The following RALGAPB variants were observed in gnomAD, a reference collection of about 807,000 sequenced individuals.
The protein encoded by RALGAPB is ral GTPase-activating protein subunit beta.
RALGAPB carries 25 observed loss-of-function variants against 161.1 expected under a neutral mutation model. The ratio of observed to expected loss-of-function variants is 0.16; its 90% CI spans 0.11 to 0.22. RALGAPB has a LOEUF of 0.22. Among genes scored for constraint, RALGAPB ranks in the 10% least tolerant of loss-of-function variants. The pLI is 1.00. For synonymous variants in RALGAPB, 629 were observed against 626.1 expected (o/e 1.00, Z -0.07); for missense variants, 1,391 against 1,815.2 (o/e 0.77, Z 4.25).
intron 13 of RALGAPB, among the ~76,000 whole-genome samples, chr20:38,527,089 C>T (rs898003959): frequency 2.6e-5 from 4 of 152,164 alleles, no homozygotes; most frequent in Non-Finnish European, 5.9e-5. Context: ...TAGAACTCCC[C>T]GCTTATGGAG....
rs1386902172 is a variant in RALGAPB at position 38,546,176 on chromosome 20, T to C, written c.2715-67T>C. The C allele has an allele frequency of 2.0e-5, 32 of 1,603,964 alleles. No homozygotes were observed. In the East Asian group the frequency reaches 6.0e-4, roughly 30 times the overall value. On this transcript the variant is annotated intron_variant, in intron 18 of 29. Transcript: ENST00000262879. ...ATTCAGAAGAGTGGAAGGGGACACA[T>C]TGATGCACAAGGTAAACTGAAGATT...
At chr20:38,553,372 G>A (rs2087445616) in intron 21 of RALGAPB, among the ~76,000 whole-genome samples, 1 of 152,144 alleles carries the variant, frequency 6.6e-6, no homozygotes, top group Non-Finnish European at 1.5e-5. Flanking sequence ...AGCACGTCAG[G>A]GTGAAGATGG....
intron 1 of RALGAPB, among the ~76,000 whole-genome samples, chr20:38,485,152 T>G (rs1235556148): frequency 1.3e-5 from 2 of 152,222 alleles, no homozygotes. Context: ...ATGAAGTTAA[T>G]TTTTAGGCTC....
intron 9 of RALGAPB, among the ~76,000 whole-genome samples, chr20:38,518,369 G>A (rs539125883): frequency 8.6e-4 from 131 of 152,238 alleles, no homozygotes; most frequent in African/African-American, 2.9e-3. Flanking sequence ...TACAAGAAGT[G>A]TTTTCGATTT....
At chr20:38,529,736 G>C (rs1338908279) in intron 13 of RALGAPB, among the ~76,000 whole-genome samples, 1 of 151,792 alleles carries the variant, frequency 6.6e-6, no homozygotes, top group Non-Finnish European at 1.5e-5. Flanking sequence ...CCAGCTACTC[G>C]GAGGCCGAGG....
intron 21 of RALGAPB, 50 bp from the exon 22 acceptor site, chr20:38,553,817 T>G: frequency 4.7e-6 from 4 of 859,136 alleles, no homozygotes; most frequent in Non-Finnish European, 7.6e-6. Context: ...AAGATTGGCC[T>G]TACTAGTTTG....
intron 1 of RALGAPB, among the ~76,000 whole-genome samples, chr20:38,482,869 G>T (rs1234843296): frequency 6.6e-6 from 1 of 152,096 alleles, no homozygotes; most frequent in Non-Finnish European, 1.5e-5. Flanking sequence ...GAAACACAAT[G>T]TGTAGGCTCC....
Position 38,558,404 on chromosome 20 carries a change from A to G in RALGAPB, c.3482A>G (p.Asp1161Gly). 1 of 1,605,734 alleles carries G rather than the reference A, an allele frequency of 6.2e-7. No homozygotes were observed. The stretch of plus-strand genomic sequence containing the variant: ...GATCTCTTGCCATGTCGTCCTTTTG[A>G]CACAGTTTTTATTTTCTATATGAAG... ...YLDLLPCRPF[D>G]TVFIFYMKPG... is the part of the protein sequence containing the mutation. Residue 1161 changes from aspartate to glycine, a missense_variant, in exon 23 of 30, where the codon GAC becomes GGC. Physicochemically the swap from Asp to Gly is moderately conservative, Grantham distance 94. This residue lies in a region of RALGAPB where 436 missense variants were observed against 527.0 expected (regional missense o/e 0.83). Transcript: ENST00000262879.
chr20:38,525,528 T>C lies in RALGAPB; in HGVS notation c.1902+10T>C. On this transcript the variant is annotated intron_variant, in intron 12 of 29. Transcript: ENST00000262879. ...CACAGTCAAATCTGAGGTAATGTTTTGTTAAAGTTTTTTTATATCCTATAT... is the reference window on the plus strand; with the variant it reads ...CACAGTCAAATCTGAGGTAATGTTTCGTTAAAGTTTTTTTATATCCTATAT... 1 of 1,562,404 alleles carries C rather than the reference T, an allele frequency of 6.4e-7. No homozygotes were observed.
At chr20:38,500,021 G>T (rs2085532130) in intron 5 of RALGAPB, 1 of 153,082 alleles carries the variant, frequency 6.5e-6, no homozygotes, top group Non-Finnish European at 1.5e-5. Flanking sequence ...TTACAGGAAT[G>T]GGACCATATT....
intron 5 of RALGAPB, among the ~76,000 whole-genome samples, chr20:38,502,223 T>A (rs1239907130): frequency 6.6e-6 from 1 of 152,228 alleles, no homozygotes; most frequent in African/African-American, 2.4e-5. Flanking sequence ...CATGTGACAC[T>A]AATCATCTCT....
At chr20:38,482,426 CTT>C (rs386393725) in intron 1 of RALGAPB, among the ~76,000 whole-genome samples, 17 of 121,344 alleles carry the variant, frequency 1.4e-4, no homozygotes, top group African/African-American at 4.3e-4. Context: ...GTATGTTTAT[CTT>C]TTTTTTTTTT....
intron 4 of RALGAPB, among the ~76,000 whole-genome samples, chr20:38,498,750 G>C (rs1249555637): frequency 1.3e-5 from 2 of 152,180 alleles, no homozygotes; most frequent in Non-Finnish European, 2.9e-5. Context: ...TTTTCCACCT[G>C]GTTCCAGGGC....
chr20:38,569,865 CTG>C (rs760266522), intron 26 of RALGAPB, 21 bp from the exon 27 acceptor site: 1 of 1,584,064 alleles, frequency 6.3e-7, no homozygotes, highest in African/African-American at 1.3e-5. Flanking sequence ...TTCCCGCTCT[CTG>C]TCTTCTTCTT....
chr20:38,497,284 G>GTC, intron 3 of RALGAPB, 69 bp from the exon 4 acceptor site: 1 of 1,453,370 alleles, frequency 6.9e-7, no homozygotes. Flanking sequence ...ACATCCATAA[G>GTC]TCACCTGTCC....
chr20:38,548,379 T>A lies in RALGAPB; in HGVS notation c.2903-310T>A, dbSNP rs1176782243. The stretch of plus-strand genomic sequence containing the variant: ...GTACCATTGGAGGTATGTGAGATGA[T>A]CTTAGTTGATACATTAGTGAACATT... On this transcript the variant is annotated intron_variant, in intron 19 of 29. Coordinates refer to ENST00000262879, the MANE Select transcript of RALGAPB (RefSeq NM_020336.4). 2.6e-5 allele frequency among the ~76,000 whole-genome samples: 4 copies of A among 152,240 alleles called. No individual in the cohort carries two copies. The East Asian group carries it at 7.7e-4, about 29-fold the overall frequency.
chr20:38,535,165 C>T lies in RALGAPB; in HGVS notation c.2337C>T (p.Ser779=). 6.2e-7 allele frequency: 1 copy of T among 1,614,178 alleles called. No homozygotes were observed. The highest frequency in any genetic ancestry group is 2.2e-5 in the East Asian group (1 of 44,892). The change falls in exon 16 of 30, where the codon AGC becomes AGT. Residue 779 remains serine, a synonymous_variant. Transcript: ENST00000262879. ...ACTCCCAGTGGCGCCAAGACATGAG[C>T]ATATCACTGGCAGCTCTAGAGCTCC... ...RLNSQWRQDM[S]ISLAALELLS...
At chr20:38,560,106 G>GT (rs372273702) in intron 23 of RALGAPB, among the ~76,000 whole-genome samples, 12,162 of 146,682 alleles carry the variant, frequency 0.083, 892 homozygotes, top group African/African-American at 0.2. Context: ...TTATGAGAAA[G>GT]TTTTTTTTTT....
At chr20:38,546,494 GT>G in intron 19 of RALGAPB, 64 bp downstream of exon 19, 1 of 1,593,382 alleles carries the variant, frequency 6.3e-7, no homozygotes, top group Non-Finnish European at 8.6e-7. Flanking sequence ...CCATGAAGCT[GT>G]TTCCAGGATC....
Sources: gnomAD v4.1 joint callset for allele counts (sites outside exome capture counted in the v4.1 genomes callset) on GRCh38, gnomAD v4.1.1 for gene constraint, gnomAD v4.1.1 regional missense constraint, MANE v1.5 for transcripts, NCBI Gene and HGNC (gene_info 2026-07-23, HGNC 2026-07-21) for gene names.